Variants in NIN observed in about 807,000 individuals in gnomAD.
NIN encodes glycogen synthase kinase 3 beta-interacting protein.
NIN carries 137 observed loss-of-function variants against 257.6 expected under a neutral mutation model. The ratio of observed to expected loss-of-function variants is 0.53; its 90% CI spans 0.46 to 0.61. NIN has a LOEUF of 0.61. NIN is among the 20% of genes least tolerant of loss of function. The probability of loss-of-function intolerance (pLI) is 0.00; values close to 1 mark genes in which losing one functional copy is unlikely to be tolerated. For missense variants in NIN, 2,439 were observed against 2,501.2 expected (o/e 0.98, Z 0.53); for synonymous variants, 918 against 919.8 (o/e 1.00, Z 0.04).
chr14:50,814,206 A>C (rs1212489298), intron 3 of NIN, among the ~76,000 whole-genome samples: 3 of 152,234 alleles, frequency 2.0e-5, no homozygotes, highest in South Asian at 2.1e-4. Context: ...ATGAAGCTGT[A>C]CTCCAAGACT....
At chr14:50,766,251 G>C in intron 14 of NIN, 56 bp downstream of exon 14, 1 of 1,346,580 alleles carries the variant, frequency 7.4e-7, no homozygotes, top group Non-Finnish European at 1.1e-6. Flanking sequence ...GAACGGGGAA[G>C]CTGGGGTCTG....
intron 4 of NIN, 95 bp downstream of exon 4, chr14:50,806,642 T>C: frequency 1.6e-6 from 1 of 625,040 alleles, no homozygotes; most frequent in South Asian, 2.2e-5. Flanking sequence ...AAGGCAGATG[T>C]CCCCAATCCT....
chr14:50,752,774 A>C (rs1332658995), intron 20 of NIN, 41 bp from the exon 21 acceptor site: 3 of 1,088,596 alleles, frequency 2.8e-6, no homozygotes, highest in Non-Finnish European at 2.6e-6. Flanking sequence ...TTGTTACCCT[A>C]CTTGTGCTAA....
At chr14:50,774,527 T>G (rs1271176938) in intron 7 of NIN, among the ~76,000 whole-genome samples, 1 of 152,190 alleles carries the variant, frequency 6.6e-6, no homozygotes, top group Non-Finnish European at 1.5e-5. Flanking sequence ...GGAAAGATAT[T>G]TGGGGCAAGA....
chr14:50,746,455 A>C lies in NIN; in HGVS notation c.5064+1537T>G, dbSNP rs370904065. Among the ~76,000 whole-genome samples the C allele has an allele frequency of 1.1e-3, 171 of 152,352 alleles. 1 individual carries two copies. The South Asian group carries it at 0.033, about 29-fold the overall frequency. ...CCAGTACTATACTAGGCATTATGAA[A>C]GACACACATACCCTGAGGGTTTTAT... is the stretch of plus-strand genomic sequence containing the variant. On this transcript the variant is annotated intron_variant, in intron 22 of 30. Transcript: ENST00000530997.
intron 10 of NIN, 122 bp from the exon 11 acceptor site, chr14:50,771,114 A>G: frequency 7.8e-7 from 1 of 1,274,610 alleles, no homozygotes; most frequent in Non-Finnish European, 1.1e-6. Flanking sequence ...AAACCCTCCC[A>G]AAGCAAAAAG....
At position 50,821,988 on chromosome 14, in the gene NIN, C is replaced by T. The variant is rs370426860; in HGVS notation, c.69G>A (p.Thr23=). Residue 23 remains threonine, a synonymous_variant, in exon 3 of 31, where the codon ACG becomes ACA. Coordinates refer to ENST00000530997, the MANE Select transcript of NIN (RefSeq NM_020921.4). The part of the protein sequence containing the change: ...LKELFDSFDT[T]GTGSLGQEEL... ...CCTCCTGCCCCAGGGACCCTGTGCCCGTCGTGTCAAAACTGTCAAACAGCT... is the reference window on the plus strand; with the variant it reads ...CCTCCTGCCCCAGGGACCCTGTGCCTGTCGTGTCAAAACTGTCAAACAGCT... 8.7e-6 allele frequency: 14 copies of T among 1,614,018 alleles called. No homozygotes were observed. In the South Asian group the frequency reaches 9.9e-5, roughly 11 times the overall value.
At chr14:50,785,256 G>A (rs1431337391) in intron 5 of NIN, among the ~76,000 whole-genome samples, 2 of 152,216 alleles carry the variant, frequency 1.3e-5, no homozygotes, top group Non-Finnish European at 2.9e-5. Context: ...CAGCCCCAAC[G>A]CCGGGCCAGC....
At chr14:50,747,406 A>C (rs2041595089) in intron 22 of NIN, among the ~76,000 whole-genome samples, 1 of 152,192 alleles carries the variant, frequency 6.6e-6, no homozygotes, top group Non-Finnish European at 1.5e-5. Context: ...CAATTTCTTA[A>C]ACTGAAGTGG....
intron 11 of NIN, 107 bp downstream of exon 11, chr14:50,770,745 G>A: frequency 7.1e-7 from 1 of 1,415,658 alleles, no homozygotes; most frequent in Non-Finnish European, 9.5e-7. Flanking sequence ...TGGCCAACAG[G>A]CTGACCAGAA....
intron 22 of NIN, among the ~76,000 whole-genome samples, chr14:50,747,116 A>G (rs998361657): frequency 6.6e-6 from 1 of 152,140 alleles, no homozygotes; most frequent in East Asian, 1.9e-4. Context: ...TGGCCTCCCA[A>G]AGTATTGGGA....
chr14:50,776,864 A>G, intron 7 of NIN, 85 bp downstream of exon 7: 1 of 1,191,600 alleles, frequency 8.4e-7, no homozygotes, highest in Non-Finnish European at 1.2e-6. Context: ...CAAGCTGCAG[A>G]GAGCCACACT....
intron 7 of NIN, among the ~76,000 whole-genome samples, chr14:50,775,077 A>G (rs546303416): frequency 1.3e-5 from 2 of 152,336 alleles, no homozygotes; most frequent in South Asian, 4.1e-4. Flanking sequence ...TGGGTTTAAG[A>G]CATCAGAAAG....
intron 5 of NIN, chr14:50,792,268 A>G: frequency 6.1e-6 from 1 of 163,266 alleles, no homozygotes; most frequent in Non-Finnish European, 1.3e-5. Context: ...CACACTACAA[A>G]AGATAAGATG....
chr14:50,721,712 CA>C lies in NIN; in HGVS notation c.*1750del, dbSNP rs1420997637. On this transcript the variant is annotated 3_prime_UTR_variant, in exon 31 of 31. Coordinates refer to ENST00000530997, the MANE Select transcript of NIN (RefSeq NM_020921.4). ...GAAGGATTAAAATTAACTCTTTATC[CA>C]GGGGGAACTCAGGGCTTTCTGACAA... 1 of 219,346 alleles carries C rather than the reference CA, an allele frequency of 4.6e-6. No individual in the cohort carries two copies. Among genetic ancestry groups the C allele is most frequent in the Non-Finnish European group, 9.2e-6 (1 of 109,278 alleles). 13.6% of individuals were successfully genotyped at this position (219,346 alleles called of 1,614,324 possible). A position where few individuals can be genotyped will look rare whatever the true frequency, so the allele number is the denominator to read the frequency against.
rs866350711 is a variant in NIN, at chr14:50,758,004, C to T, written c.3026G>A (p.Ser1009Asn). 8.1e-6 allele frequency: 13 copies of T among 1,614,202 alleles called. No homozygotes were observed. In the Middle Eastern group the frequency reaches 1.2e-3, roughly 143 times the overall value. Residue 1009 changes from serine (S) to asparagine (N), a missense_variant, in exon 18 of 31, where the codon AGC becomes AAC. This residue lies in a region of NIN where 2,043 missense variants were observed against 2,050.2 expected (regional missense o/e 1.00). Coordinates refer to ENST00000530997, the MANE Select transcript of NIN (RefSeq NM_020921.4). ...ETADRERAEM[S>N]TEISRLQSKI... ...ACTCTGAAGTCTGGAGATTTCTGTG[C>T]TCATCTCGGCTCTTTCTCGATCTGC...
chr14:50,813,655 T>A (rs1456880781), intron 3 of NIN, among the ~76,000 whole-genome samples: 1 of 152,104 alleles, frequency 6.6e-6, no homozygotes, highest in Middle Eastern at 3.4e-3. Flanking sequence ...TAACAGGAAG[T>A]GGAATAAGGA....
chr14:50,727,556 TAATAA>T, intron 29 of NIN: 6 of 1,291,064 alleles, frequency 4.6e-6, no homozygotes, highest in South Asian at 1.5e-5. Flanking sequence ...ACAGTAAAAA[TAATAA>T]AATAATTTAA....
At position 50,758,550 on chromosome 14, in the gene NIN, T is replaced by C; in HGVS notation, c.2480A>G (p.Glu827Gly). The C allele has an allele frequency of 6.2e-7, 1 of 1,613,322 alleles. No individual in the cohort carries two copies. Among genetic ancestry groups the C allele is most frequent in the Non-Finnish European group, 8.5e-7 (1 of 1,179,696 alleles). Residue 827 changes from glutamate to glycine, a missense_variant, in exon 18 of 31, where the codon GAG (glutamate) becomes GGG (glycine). Physicochemically the swap from Glu to Gly is moderately conservative, Grantham distance 98. Around this residue, in one of 3 missense-constraint regions of NIN, gnomAD observed 2,043 missense variants for 2,050.2 expected, o/e 1.00. Coordinates refer to ENST00000530997, the MANE Select transcript of NIN (RefSeq NM_020921.4). ...GCTTTGCAGAGCGCTTTCACACCTC[T>C]CAGTGACTTTCTGACAATCAGACTG... ...QFQSDCQKVTERCESALQSLE... is the reference protein window; with the variant it reads ...QFQSDCQKVTGRCESALQSLE...
Sources: allele counts gnomAD v4.1 joint callset (sites outside exome capture counted in the v4.1 genomes callset), GRCh38; gene constraint gnomAD v4.1.1; regional missense constraint gnomAD v4.1.1; transcripts MANE v1.5; gene names NCBI Gene and HGNC (gene_info 2026-07-23, HGNC 2026-07-21).